The following MGST2 variants were observed in gnomAD, a reference collection of about 807,000 sequenced individuals.
MGST2 encodes the protein microsomal glutathione S-transferase 2.
A neutral mutation model predicts 16.6 loss-of-function variants in MGST2; 9 were observed. The observed-to-expected ratio is 0.54, with a 90% CI of 0.33 to 0.95. The LOEUF (loss-of-function observed/expected upper bound fraction) is 0.95, where lower values mean the gene tolerates loss of function less well. Among genes scored for constraint, MGST2 ranks in the 40% least tolerant of loss-of-function variants. MGST2 has a pLI of 0.03. For synonymous variants in MGST2, 79 were observed against 68.0 expected (o/e 1.16, Z -0.79); for missense variants, 159 against 175.1 (o/e 0.91, Z 0.52).
At chr4:139,671,188 C>T (rs1000258833) in intron 1 of MGST2, among the ~76,000 whole-genome samples, 24 of 152,144 alleles carry the variant, frequency 1.6e-4, no homozygotes, top group African/African-American at 5.8e-4. Context: ...GTGTGTCCTA[C>T]CTCCCTTCCC....
downstream of MGST2, among the ~76,000 whole-genome samples, chr4:139,745,734 T>TA (rs1729298442): frequency 6.6e-6 from 1 of 152,186 alleles, no homozygotes; most frequent in African/African-American, 2.4e-5. Context: ...TCCCTATTTT[T>TA]AAAAAACTAA....
intron 5 of MGST2, among the ~76,000 whole-genome samples, chr4:139,721,083 G>T (rs780191762): frequency 7.2e-5 from 11 of 152,274 alleles, no homozygotes; most frequent in South Asian, 2.1e-4. Flanking sequence ...TGCTACGTGC[G>T]ACTTGGCCAT....
At chr4:139,713,057 A>G (rs1267049030) in intron 5 of MGST2, among the ~76,000 whole-genome samples, 3 of 152,226 alleles carry the variant, frequency 2.0e-5, no homozygotes, top group Non-Finnish European at 4.4e-5. Flanking sequence ...AGCTCAAAAG[A>G]AAAGTTTCCT....
At chr4:139,694,189 T>A (rs915696857) in intron 2 of MGST2, among the ~76,000 whole-genome samples, 5 of 152,082 alleles carry the variant, frequency 3.3e-5, no homozygotes, top group African/African-American at 4.8e-5. Flanking sequence ...TATGCTTTTT[T>A]TTTTTTTTAA....
At chr4:139,719,352 C>T in intron 5 of MGST2, 1 of 1,603,348 alleles carries the variant, frequency 6.2e-7, no homozygotes. Context: ...TCATCAAGCT[C>T]CTGCATCCAC....
At position 139,715,906 on chromosome 4, in the gene MGST2, G is replaced by C. The variant is rs923399113; in HGVS notation, c.*48+11710G>C. 2.6e-5 allele frequency among the ~76,000 whole-genome samples: 4 copies of C among 152,168 alleles called. No individual in the cohort carries two copies. The highest frequency in any genetic ancestry group is 5.9e-5 in the Non-Finnish European group (4 of 68,022). Reference sequence around the variant, plus strand: ...AATGCCTTAACCGTCTGGGAATGCAGCCCAGTAGGTTTCAGTCTCATTTTA... The same window carrying C: ...AATGCCTTAACCGTCTGGGAATGCACCCCAGTAGGTTTCAGTCTCATTTTA... On this transcript the variant is annotated intron_variant, in intron 5 of 5. Coordinates refer to the MGST2 transcript ENST00000616265. The surrounding 1 kb of genome is among the most constrained non-coding windows in gnomAD (Gnocchi z 4.4).
At chr4:139,708,521 G>A (rs1439627534), downstream of MGST2, among the ~76,000 whole-genome samples, 1 of 152,102 alleles carries the variant, frequency 6.6e-6, no homozygotes, top group Non-Finnish European at 1.5e-5. Context: ...TGTTCTTTTG[G>A]CTTAGGATTG....
intron 2 of MGST2, among the ~76,000 whole-genome samples, chr4:139,686,182 C>T (rs1731554057): frequency 6.6e-6 from 1 of 152,026 alleles, no homozygotes; most frequent in Non-Finnish European, 1.5e-5. Context: ...CAGGGGGCTT[C>T]CAGCTTATAG....
At chr4:139,690,131 A>G (rs909807027) in intron 2 of MGST2, among the ~76,000 whole-genome samples, 5 of 152,148 alleles carry the variant, frequency 3.3e-5, no homozygotes, top group Middle Eastern at 3.4e-3. Flanking sequence ...AGCTGGGACT[A>G]CAGGCACGCA....
chr4:139,706,250 T>G (rs1487077927), downstream of MGST2, among the ~76,000 whole-genome samples: 1 of 152,100 alleles, frequency 6.6e-6, no homozygotes, highest in African/African-American at 2.4e-5. Context: ...CCCTACTCAT[T>G]GGTCATTTGA....
intron 5 of MGST2, among the ~76,000 whole-genome samples, chr4:139,738,860 A>G (rs887898343): frequency 3.9e-5 from 6 of 152,332 alleles, no homozygotes; most frequent in Admixed American, 1.3e-4. Flanking sequence ...ATGCAATAAC[A>G]TATTTTTATG....
At chr4:139,707,396 G>C (rs1448342660), downstream of MGST2, among the ~76,000 whole-genome samples, 2,136 of 94,326 alleles carry the variant, frequency 0.023, no homozygotes, top group Admixed American at 0.032. Flanking sequence ...ATTTTTTATG[G>C]CTGCATAGTA....
At chr4:139,721,063 G>T (rs142547970) in intron 5 of MGST2, among the ~76,000 whole-genome samples, 110 of 152,334 alleles carry the variant, frequency 7.2e-4, no homozygotes, top group Non-Finnish European at 1.3e-3. Context: ...GCTAGAAAAA[G>T]AAATCATCCT....
Position 139,665,847 on chromosome 4 carries a change from C to G in MGST2, c.-173C>G. 2.9e-6 allele frequency: 2 copies of G among 701,232 alleles called. No individual in the cohort carries two copies. The highest frequency in any genetic ancestry group is 1.6e-5 in the South Asian group (1 of 63,578). 43.4% of individuals were successfully genotyped at this position (701,232 alleles called of 1,614,324 possible). A position where few individuals can be genotyped will look rare whatever the true frequency, so the allele number is the denominator to read the frequency against. ...AAGATCTGTGACCGGCAGCCCCAGA[C>G]CTGCCTGCCTTCCTGACTTCTGTTC... On this transcript the variant is annotated 5_prime_UTR_variant, in exon 1 of 5. Coordinates refer to ENST00000265498, the MANE Select transcript of MGST2 (RefSeq NM_002413.5).
At chr4:139,696,762 A>G (rs1331894973) in intron 3 of MGST2, among the ~76,000 whole-genome samples, 2 of 152,198 alleles carry the variant, frequency 1.3e-5, no homozygotes, top group Admixed American at 6.5e-5. Context: ...CAACCTTCCT[A>G]TAACAATGCT....
intron 5 of MGST2, among the ~76,000 whole-genome samples, chr4:139,739,857 T>C (rs1297048720): frequency 1.3e-5 from 2 of 152,050 alleles, no homozygotes; most frequent in Non-Finnish European, 2.9e-5. Flanking sequence ...TTTAGTATTA[T>C]TTTTAAAAGC....
chr4:139,715,303 C>T lies in MGST2; in HGVS notation c.*48+11107C>T, dbSNP rs562520211. 5.9e-5 allele frequency among the ~76,000 whole-genome samples: 9 copies of T among 152,294 alleles called. 1 individual carries two copies. The South Asian group carries it at 1.0e-3, about 18-fold the overall frequency. ...GTGTTAGGGGGTGTCTCCCCAGTATCGTCCCATCGTTCTCCAGAAATATGT... is the reference window on the plus strand; with the variant it reads ...GTGTTAGGGGGTGTCTCCCCAGTATTGTCCCATCGTTCTCCAGAAATATGT... On this transcript the variant is annotated intron_variant, in intron 5 of 5. Transcript: ENST00000616265. The surrounding 1 kb of genome is among the most constrained non-coding windows in gnomAD (Gnocchi z 4.4).
chr4:139,749,702 C>T, the MGST2 span, among the ~76,000 whole-genome samples: 5,627 of 152,274 alleles, frequency 0.037, 241 homozygotes, highest in Admixed American at 0.13. Context: ...CACAGACCCG[C>T]GGTGGCAGTG....
intron 5 of MGST2, chr4:139,730,500 C>T: frequency 6.4e-7 from 1 of 1,555,016 alleles, no homozygotes; most frequent in South Asian, 1.2e-5. Context: ...GCTCTATCAA[C>T]TGGGCCCGCT....
Sources: gnomAD v4.1 joint callset for allele counts (sites outside exome capture counted in the v4.1 genomes callset) on GRCh38, gnomAD v4.1.1 for gene constraint, Gnocchi (gnomAD v3.1) non-coding constraint, MANE v1.5 for transcripts, NCBI Gene and HGNC (gene_info 2026-07-23, HGNC 2026-07-21) for gene names.